Variants in DNAH9 observed in about 807,000 individuals in gnomAD.
DNAH9 encodes the protein DNAH9 variant protein.
DNAH9 carries 345 observed loss-of-function variants against 471.6 expected under a neutral mutation model. The ratio of observed to expected loss-of-function variants is 0.73; its 90% CI spans 0.67 to 0.80. DNAH9 has a LOEUF of 0.80. Ranked by LOEUF, DNAH9 falls within the 30% of genes least tolerant of loss-of-function variation. The probability of loss-of-function intolerance (pLI) is 0.00; values close to 1 mark genes in which losing one functional copy is unlikely to be tolerated. For missense variants in DNAH9, 5,407 were observed against 5,609.2 expected (o/e 0.96, Z 1.15); for synonymous variants, 2,093 against 2,123.6 (o/e 0.99, Z 0.40).
chr17:11,794,782 T>C (rs1245942398), intron 42 of DNAH9, among the ~76,000 whole-genome samples: 1 of 152,220 alleles, frequency 6.6e-6, no homozygotes, highest in Non-Finnish European at 1.5e-5. Context: ...AAGATACTTC[T>C]TGAAAAAGAG....
chr17:11,792,700 G>A (rs866977514), intron 41 of DNAH9, among the ~76,000 whole-genome samples: 98 of 152,204 alleles, frequency 6.4e-4, no homozygotes, highest in African/African-American at 2.2e-3. Context: ...CTTTGTTATA[G>A]TTCTGATTTT....
At chr17:11,668,351 C>T (rs1166254159) in intron 15 of DNAH9, among the ~76,000 whole-genome samples, 1 of 152,090 alleles carries the variant, frequency 6.6e-6, no homozygotes, top group East Asian at 1.9e-4. Context: ...CAGCTGCTTC[C>T]AAGAAATGGG....
rs527572714 is a variant in DNAH9 at position 11,905,245 on chromosome 17, A to G, written c.11601-416A>G. ...GAGAATCCATCTCAAAAAAAAAAAA[A>G]AGAGAGAGAATAGCGTACCGTAGGG... On this transcript the variant is annotated intron_variant, in intron 60 of 68. Coordinates refer to ENST00000262442, the MANE Select transcript of DNAH9 (RefSeq NM_001372.4). 2.2e-3 allele frequency among the ~76,000 whole-genome samples: 324 copies of G among 150,108 alleles called. 3 individuals are homozygous for G. The highest frequency in any genetic ancestry group is 7.4e-3 in the African/African-American group (295 of 39,866).
intron 33 of DNAH9, among the ~76,000 whole-genome samples, chr17:11,754,316 G>T (rs1408612923): frequency 1.3e-5 from 2 of 152,134 alleles, no homozygotes; most frequent in Non-Finnish European, 2.9e-5. Context: ...ATAGTAGAAT[G>T]ATTTATATTC....
Position 11,794,084 on chromosome 17 carries a change from G to A in DNAH9, c.8223+420G>A, listed in dbSNP as rs370069218. 4.5e-4 allele frequency among the ~76,000 whole-genome samples: 51 copies of A among 113,642 alleles called. No homozygotes were observed. In the East Asian group the frequency reaches 0.012, roughly 26 times the overall value. 74.6% of individuals were successfully genotyped at this position (113,642 alleles called of 152,430 possible). A position where few individuals can be genotyped will look rare whatever the true frequency, so the allele number is the denominator to read the frequency against. Reference sequence around the variant, plus strand: ...TTTTGAGACAGAGTCTTGCTCTTTCGCCCAGGCTGGAGTGCAGTGGCGCGA... The same window carrying A: ...TTTTGAGACAGAGTCTTGCTCTTTCACCCAGGCTGGAGTGCAGTGGCGCGA... On this transcript the variant is annotated intron_variant, in intron 42 of 68. Coordinates refer to ENST00000262442, the MANE Select transcript of DNAH9 (RefSeq NM_001372.4).
intron 48 of DNAH9, among the ~76,000 whole-genome samples, chr17:11,826,365 G>GGA (rs1567829655): frequency 2.0e-5 from 3 of 150,634 alleles, no homozygotes; most frequent in Admixed American, 2.0e-4. Flanking sequence ...AGCTGGGGGG[G>GGA]TAATTTTAGA....
intron 45 of DNAH9, among the ~76,000 whole-genome samples, chr17:11,815,543 C>A (rs1035315733): frequency 2.0e-5 from 3 of 152,182 alleles, no homozygotes; most frequent in Middle Eastern, 6.3e-3. Flanking sequence ...AATCCCAGCA[C>A]TTTGGGAGGC....
chr17:11,720,243 C>CT (rs971089545), intron 27 of DNAH9, among the ~76,000 whole-genome samples: 16 of 149,022 alleles, frequency 1.1e-4, no homozygotes, highest in South Asian at 4.4e-4. Context: ...TCCAATTTTT[C>CT]TTTTTTTTTC....
chr17:11,802,617 A>T (rs1235676258), intron 43 of DNAH9, among the ~76,000 whole-genome samples: 1 of 146,340 alleles, frequency 6.8e-6, no homozygotes, highest in Admixed American at 7.0e-5. Context: ...GAGCAACAAG[A>T]GTGAAACTCC....
chr17:11,762,758 GTTTTTTTTTTTGTTTTTTTTT>G (rs1156361564), intron 35 of DNAH9, among the ~76,000 whole-genome samples: 7 of 94,790 alleles, frequency 7.4e-5, no homozygotes, highest in African/African-American at 1.1e-4. Flanking sequence ...CTTTAGGTGC[GTTTTTTTTTTTGTTTTTTTTT>G]TTTTTTTTTT....
intron 68 of DNAH9, among the ~76,000 whole-genome samples, chr17:11,967,867 TTA>T (rs570837071): frequency 9.7e-4 from 147 of 151,980 alleles, no homozygotes; most frequent in Non-Finnish European, 1.9e-3. Flanking sequence ...AGGATAGAAA[TTA>T]TAGAGACAAA....
At chr17:11,835,214 C>T (rs1970810197) in intron 49 of DNAH9, among the ~76,000 whole-genome samples, 1 of 152,170 alleles carries the variant, frequency 6.6e-6, no homozygotes, top group African/African-American at 2.4e-5. Context: ...GACCCATAAA[C>T]TTAAATATTA....
intron 8 of DNAH9, 105 bp downstream of exon 8, chr17:11,632,808 A>G: frequency 1.7e-6 from 1 of 579,032 alleles, no homozygotes; most frequent in Non-Finnish European, 3.1e-6. Flanking sequence ...TGCAACTATT[A>G]ATTATTCTTA....
intron 27 of DNAH9, among the ~76,000 whole-genome samples, chr17:11,725,039 G>A (rs1050548193): frequency 6.6e-6 from 1 of 152,158 alleles, no homozygotes; most frequent in Non-Finnish European, 1.5e-5. Context: ...TGGGGTTCAT[G>A]CTCTCATGAG....
intron 32 of DNAH9, among the ~76,000 whole-genome samples, chr17:11,748,220 A>G (rs1966981008): frequency 6.6e-6 from 1 of 151,032 alleles, no homozygotes; most frequent in South Asian, 2.1e-4. Flanking sequence ...CCAGCTGCTC[A>G]GGAGACTGAG....
intron 36 of DNAH9, among the ~76,000 whole-genome samples, chr17:11,766,820 CGGGCTT>C (rs1191614761): frequency 2.0e-4 from 31 of 152,008 alleles, no homozygotes; most frequent in African/African-American, 5.8e-4. Flanking sequence ...AAAAATTAGC[CGGGCTT>C]GGGCATGGTG....
At chr17:11,662,979 TCTC>T in intron 14 of DNAH9, among the ~76,000 whole-genome samples, 1 of 151,706 alleles carries the variant, frequency 6.6e-6, no homozygotes, top group East Asian at 2.0e-4. Context: ...ATGGTCTCGA[TCTC>T]CTGACCTCGT....
intron 38 of DNAH9, among the ~76,000 whole-genome samples, chr17:11,773,524 TACTC>T (rs569236235): frequency 1.1e-4 from 16 of 152,096 alleles, no homozygotes; most frequent in Admixed American, 2.6e-4. Flanking sequence ...TATAAAAATT[TACTC>T]ACTTATATGA....
Position 11,626,188 on chromosome 17 carries a change from C to T in DNAH9, c.1351-3229C>T, listed in dbSNP as rs1030727868. ...AGCCGGTGTATAACATGATGAATTT[C>T]GTGTTTAGTACTGTGATGAATAAAA... On this transcript the variant is annotated intron_variant, in intron 6 of 68. Transcript: ENST00000262442. This position sits in a 1 kb window ranked among gnomAD's most constrained non-coding sequence, Gnocchi z 4.3. Among the ~76,000 whole-genome samples, 14 of 151,974 alleles carry T rather than the reference C, an allele frequency of 9.2e-5. No individual in the cohort carries two copies. The highest frequency in any genetic ancestry group is 1.9e-4 in the East Asian group (1 of 5,186).
Sources: gnomAD v4.1 joint callset for allele counts (sites outside exome capture counted in the v4.1 genomes callset) on GRCh38, gnomAD v4.1.1 for gene constraint, Gnocchi (gnomAD v3.1) non-coding constraint, MANE v1.5 for transcripts, NCBI Gene and HGNC (gene_info 2026-07-23, HGNC 2026-07-21) for gene names.